DLG1: variants seen among roughly 807,000 people sequenced by gnomAD.
DLG1 encodes the protein discs large MAGUK scaffold protein 1, also known as disks large homolog 1.
Under a neutral mutation model 123.4 loss-of-function variants are expected in DLG1, and 42 were observed. The observed-to-expected ratio is 0.34, with a 90% confidence interval of 0.27 to 0.44. The LOEUF (loss-of-function observed/expected upper bound fraction) is 0.44. Ranked by LOEUF, DLG1 falls within the 20% of genes least tolerant of loss-of-function variation. The probability of loss-of-function intolerance (pLI) is 1.00; values close to 1 mark genes in which losing one functional copy is unlikely to be tolerated. For synonymous variants in DLG1, 317 were observed against 356.2 expected (o/e 0.89, Z 1.24); for missense variants, 942 against 1,082.6 (o/e 0.87, Z 1.82).
In DLG1 at chr3:197,168,740, G is replaced by A. The variant is rs534303444; in HGVS notation, c.484-18944C>T. 1.4e-3 allele frequency among the ~76,000 whole-genome samples: 220 copies of A among 152,218 alleles called. 6 individuals are homozygous for A. Among genetic ancestry groups the A allele is most frequent in the Non-Finnish European group, 1.3e-4 (9 of 68,016 alleles). On this transcript the variant is annotated intron_variant, in intron 5 of 24. Transcript: ENST00000667157. The stretch of plus-strand genomic sequence containing the variant: ...TTGCTCCATTTGTATCACTCAATAA[G>A]ATGAGATCTAAAGTTTTTCTGTTGT...
chr3:197,124,238 A>G (rs1777861693), intron 11 of DLG1, among the ~76,000 whole-genome samples: 1 of 152,166 alleles, frequency 6.6e-6, no homozygotes, highest in East Asian at 1.9e-4. Flanking sequence ...CTCAGGTAAA[A>G]GAATCTTTTT....
At chr3:197,131,563 T>C (rs1335452648) in intron 10 of DLG1, among the ~76,000 whole-genome samples, 1 of 148,972 alleles carries the variant, frequency 6.7e-6, no homozygotes, top group Non-Finnish European at 1.5e-5. Context: ...CATCAGCAAA[T>C]ATAGTTTTAT....
intron 4 of DLG1, among the ~76,000 whole-genome samples, chr3:197,215,572 G>C (rs1338702950): frequency 6.6e-6 from 1 of 151,896 alleles, no homozygotes; most frequent in African/African-American, 2.4e-5. Flanking sequence ...TTCATCAGAA[G>C]ATAACATAAC....
At chr3:197,068,326 T>TA (rs1741161269) in intron 19 of DLG1, among the ~76,000 whole-genome samples, 1 of 152,054 alleles carries the variant, frequency 6.6e-6, no homozygotes, top group Non-Finnish European at 1.5e-5. Flanking sequence ...AACTACCCTA[T>TA]AGTGGGTTCT....
At chr3:197,236,601 C>T (rs1746095906) in intron 4 of DLG1, among the ~76,000 whole-genome samples, 1 of 152,192 alleles carries the variant, frequency 6.6e-6, no homozygotes, top group Admixed American at 6.5e-5. Context: ...AACGCCCAAT[C>T]ACATTACCTC....
intron 18 of DLG1, among the ~76,000 whole-genome samples, chr3:197,072,207 CTGT>C (rs750579458): frequency 5.9e-5 from 9 of 151,816 alleles, no homozygotes; most frequent in African/African-American, 1.9e-4. Context: ...TTTATTTTTG[CTGT>C]TATTACTCAA....
intron 4 of DLG1, among the ~76,000 whole-genome samples, chr3:197,214,144 A>G (rs947244497): frequency 1.3e-5 from 2 of 152,224 alleles, no homozygotes; most frequent in Admixed American, 6.5e-5. Flanking sequence ...GTATTTGGTA[A>G]ATGGCCATTT....
At chr3:197,258,494 T>C (rs1757871687) in intron 4 of DLG1, among the ~76,000 whole-genome samples, 1 of 152,138 alleles carries the variant, frequency 6.6e-6, no homozygotes, top group Non-Finnish European at 1.5e-5. Flanking sequence ...TGCCTGTACT[T>C]AAGGGTATCC....
intron 5 of DLG1, among the ~76,000 whole-genome samples, chr3:197,152,893 C>A (rs764173225): frequency 1.3e-5 from 2 of 151,320 alleles, no homozygotes; most frequent in African/African-American, 4.9e-5. Flanking sequence ...AGCAGCCTTA[C>A]AAAGTTTCAG....
At chr3:197,147,923 T>C (rs1221926475) in intron 6 of DLG1, among the ~76,000 whole-genome samples, 6 of 150,660 alleles carry the variant, frequency 4.0e-5, no homozygotes, top group African/African-American at 1.5e-4. Context: ...ACTATCTCTA[T>C]TTGCCAGTGA....
At position 197,245,222 on chromosome 3, in the gene DLG1, A is replaced by G. The variant is rs144288832; in HGVS notation, c.318+37457T>C. On this transcript the variant is annotated intron_variant, in intron 4 of 24. Transcript: ENST00000667157. Reference sequence around the variant, plus strand: ...TAGCTTTATATTGTCATGTGCAGTGAAATGGATTCCATTATCTGAATCAAT... The same window carrying G: ...TAGCTTTATATTGTCATGTGCAGTGGAATGGATTCCATTATCTGAATCAAT... Among the ~76,000 whole-genome samples, 29 of 152,302 alleles carry G rather than the reference A, an allele frequency of 1.9e-4. No homozygotes were observed. The East Asian group carries it at 4.8e-3, about 25-fold the overall frequency.
intron 4 of DLG1, among the ~76,000 whole-genome samples, chr3:197,242,700 GAAACTTAA>G (rs1230319337): frequency 6.6e-6 from 1 of 152,044 alleles, no homozygotes; most frequent in Non-Finnish European, 1.5e-5. Context: ...AATTCAGAAG[GAAACTTAA>G]AAACTTGAAA....
intron 4 of DLG1, among the ~76,000 whole-genome samples, chr3:197,244,359 G>A (rs1023211232): frequency 2.6e-5 from 4 of 152,130 alleles, no homozygotes; most frequent in South Asian, 4.1e-4. Flanking sequence ...GGACAATCTG[G>A]GCCTTTGGCC....
chr3:197,177,296 C>A (rs1247235250), intron 5 of DLG1, among the ~76,000 whole-genome samples: 1 of 152,042 alleles, frequency 6.6e-6, no homozygotes, highest in Non-Finnish European at 1.5e-5. Flanking sequence ...GGAGTCAATA[C>A]CAAAGGAGAC....
chr3:197,121,823 C>CAAAAAAAAAAAAAAAAAAAAAAAAAAAAA (rs71161995), intron 11 of DLG1, among the ~76,000 whole-genome samples: 2 of 101,998 alleles, frequency 2.0e-5, no homozygotes, highest in African/African-American at 4.1e-5. Flanking sequence ...ACAATCACCA[C>CAAAAAAAAAAAAAAAAAAAAAAAAAAAAA]AAAAAAAAAA....
At chr3:197,146,301 T>A (rs1561025948) in intron 6 of DLG1, among the ~76,000 whole-genome samples, 1 of 151,978 alleles carries the variant, frequency 6.6e-6, no homozygotes, top group Non-Finnish European at 1.5e-5. Flanking sequence ...AGAGAAAACA[T>A]TCCTAAAATT....
chr3:197,222,731 G>C (rs1737794741), intron 4 of DLG1, among the ~76,000 whole-genome samples: 1 of 152,148 alleles, frequency 6.6e-6, no homozygotes, highest in Admixed American at 6.5e-5. Flanking sequence ...TCCCTGCAGA[G>C]AGAAGACACC....
At chr3:197,107,648 G>GT (rs1560718074) in intron 13 of DLG1, among the ~76,000 whole-genome samples, 1 of 151,394 alleles carries the variant, frequency 6.6e-6, no homozygotes, top group Non-Finnish European at 1.5e-5. Flanking sequence ...CTTTTTGATA[G>GT]TATTATAAAT....
intron 10 of DLG1, among the ~76,000 whole-genome samples, chr3:197,132,376 T>C (rs56172755): frequency 0.35 from 52,956 of 151,858 alleles, 9,883 homozygotes; most frequent in South Asian, 0.45. Flanking sequence ...CTTTAATATA[T>C]TTTTCACTTT....
Sources: allele counts gnomAD v4.1 joint callset (sites outside exome capture counted in the v4.1 genomes callset), GRCh38; gene constraint gnomAD v4.1.1; transcripts MANE v1.5; gene names NCBI Gene and HGNC (gene_info 2026-07-23, HGNC 2026-07-21).